The following RGS7 variants were observed in gnomAD, a reference collection of about 807,000 sequenced individuals.
RGS7 encodes regulator of G protein signaling 7, also known as regulator of G-protein signaling 7.
Under a neutral mutation model 81.1 loss-of-function variants are expected in RGS7, and 27 were observed. The observed-to-expected ratio is 0.33, with a 90% CI of 0.25 to 0.46. RGS7 has a LOEUF of 0.46. Ranked by LOEUF, RGS7 falls within the 20% of genes least tolerant of loss-of-function variation. RGS7 has a pLI of 1.00. For synonymous variants in RGS7, 208 were observed against 207.7 expected (o/e 1.00, Z -0.01); for missense variants, 396 against 607.4 (o/e 0.65, Z 3.66).
intron 2 of RGS7, among the ~76,000 whole-genome samples, chr1:241,103,741 G>A (rs1008458596): frequency 1.3e-5 from 2 of 152,154 alleles, no homozygotes; most frequent in African/African-American, 2.4e-5. Context: ...GGGCATGGTG[G>A]CAAGCACCTG....
At chr1:240,822,831 T>C (rs1362327248) in intron 10 of RGS7, among the ~76,000 whole-genome samples, 3 of 152,224 alleles carry the variant, frequency 2.0e-5, no homozygotes, top group South Asian at 2.1e-4. Flanking sequence ...AAGCATGATA[T>C]GGTAACTACA....
At chr1:240,879,416 T>C (rs752518168) in intron 6 of RGS7, among the ~76,000 whole-genome samples, 18 of 152,248 alleles carry the variant, frequency 1.2e-4, no homozygotes, top group African/African-American at 4.8e-5. Context: ...GGAAAGATAT[T>C]TGTAGATTTT....
intron 9 of RGS7, among the ~76,000 whole-genome samples, chr1:240,853,900 C>CAA (rs35471716): frequency 0.42 from 9,375 of 22,238 alleles, 4,169 homozygotes; most frequent in Non-Finnish European, 0.56. Context: ...GACTCCGTCT[C>CAA]AAAAAAAAAA....
intron 2 of RGS7, among the ~76,000 whole-genome samples, chr1:241,158,772 A>T (rs1188909347): frequency 6.6e-6 from 1 of 152,204 alleles, no homozygotes; most frequent in Non-Finnish European, 1.5e-5. Flanking sequence ...ACACAATAGC[A>T]CTTACTCTTC....
chr1:240,922,169 C>T (rs1278913570), intron 6 of RGS7, among the ~76,000 whole-genome samples: 3 of 151,662 alleles, frequency 2.0e-5, no homozygotes, highest in African/African-American at 7.3e-5. Context: ...TAGACCTCTA[C>T]ATGCAAAAAA....
At chr1:240,857,158 C>T (rs1553326652) in intron 9 of RGS7, among the ~76,000 whole-genome samples, 15 of 152,138 alleles carry the variant, frequency 9.9e-5, no homozygotes, top group Non-Finnish European at 1.9e-4. Flanking sequence ...GTTCATTATA[C>T]TCTCCTATGA....
At chr1:241,262,284 T>C (rs1270150405) in intron 2 of RGS7, among the ~76,000 whole-genome samples, 4 of 152,174 alleles carry the variant, frequency 2.6e-5, no homozygotes, top group Admixed American at 6.5e-5. Flanking sequence ...GTTCTTAAAA[T>C]AGGTAGGGTC....
chr1:241,068,257 TA>T (rs1553407918), intron 3 of RGS7, among the ~76,000 whole-genome samples: 2 of 73,250 alleles, frequency 2.7e-5, no homozygotes, highest in Non-Finnish European at 2.7e-5. Flanking sequence ...TATATATATA[TA>T]AAATATTGTG....
intron 2 of RGS7, among the ~76,000 whole-genome samples, chr1:241,182,648 C>CTTT (rs34005010): frequency 1.0e-4 from 12 of 118,178 alleles, no homozygotes; most frequent in African/African-American, 1.2e-4. Context: ...GCATCTCACG[C>CTTT]TTTTTTTTTT....
chr1:240,987,141 G>A (rs1035420474), intron 3 of RGS7, among the ~76,000 whole-genome samples: 1 of 152,094 alleles, frequency 6.6e-6, no homozygotes, highest in African/African-American at 2.4e-5. Context: ...TGAATTAGAG[G>A]TGCACAAAAA....
intron 2 of RGS7, among the ~76,000 whole-genome samples, chr1:241,336,646 T>C (rs1334885312): frequency 2.0e-5 from 3 of 152,208 alleles, no homozygotes; most frequent in Admixed American, 2.0e-4. Flanking sequence ...TTCCAGAAAC[T>C]CTTTTCTTTC....
At chr1:241,310,114 G>T (rs1277760027) in intron 2 of RGS7, among the ~76,000 whole-genome samples, 2 of 152,128 alleles carry the variant, frequency 1.3e-5, no homozygotes. Flanking sequence ...AAGGTATACT[G>T]CCCAGGAAGA....
intron 3 of RGS7, among the ~76,000 whole-genome samples, chr1:241,033,133 T>C (rs1160561080): frequency 1.3e-5 from 2 of 152,148 alleles, no homozygotes; most frequent in African/African-American, 4.8e-5. Flanking sequence ...GACAGATCAT[T>C]TGAGGTCAGG....
At chr1:240,793,611 A>ATATATTTTTTTTTTTT in intron 18 of RGS7, among the ~76,000 whole-genome samples, 20 of 78,808 alleles carry the variant, frequency 2.5e-4, no homozygotes, top group African/African-American at 1.7e-3. Flanking sequence ...ATATATATAT[A>ATATATTTTTTTTTTTT]TTTTTTTTTT....
intron 9 of RGS7, among the ~76,000 whole-genome samples, chr1:240,829,639 G>A (rs1693468694): frequency 6.6e-6 from 1 of 152,090 alleles, no homozygotes; most frequent in South Asian, 2.1e-4. Flanking sequence ...CATATCAGGA[G>A]CCAAGCACAG....
Position 240,832,643 on chromosome 1 carries a change from A to G in RGS7, c.610-5471T>C, listed in dbSNP as rs112104470. Among the ~76,000 whole-genome samples, 958 of 152,314 alleles carry G rather than the reference A, an allele frequency of 6.3e-3. 8 individuals are homozygous for G. The highest frequency in any genetic ancestry group is 0.021 in the African/African-American group (865 of 41,564). ...ATAGCAGAAGGTACACTTGTGTTCA[A>G]GACAACTCGGCAAAGCCTGTGGTGA... is the stretch of plus-strand genomic sequence containing the variant. On this transcript the variant is annotated intron_variant, in intron 9 of 18. Coordinates refer to ENST00000440928, the MANE Select transcript of RGS7 (RefSeq NM_001364886.1).
At chr1:240,992,591 G>A (rs567008515) in intron 3 of RGS7, among the ~76,000 whole-genome samples, 5 of 152,188 alleles carry the variant, frequency 3.3e-5, no homozygotes, top group African/African-American at 7.2e-5. Flanking sequence ...GGCACTGAAC[G>A]TGCTCTATAT....
chr1:241,123,695 G>A (rs2066453144), intron 2 of RGS7, among the ~76,000 whole-genome samples: 1 of 152,338 alleles, frequency 6.6e-6, no homozygotes, highest in East Asian at 1.9e-4. Flanking sequence ...AGGTGGTGGT[G>A]AGCTGAGATT....
intron 3 of RGS7, among the ~76,000 whole-genome samples, chr1:241,046,911 G>GC (rs1254282105): frequency 6.6e-6 from 1 of 152,022 alleles, no homozygotes; most frequent in African/African-American, 2.4e-5. Flanking sequence ...ACGTTCTACT[G>GC]CCCATAGATC....
Sources: allele counts gnomAD v4.1 joint callset (sites outside exome capture counted in the v4.1 genomes callset), GRCh38; gene constraint gnomAD v4.1.1; transcripts MANE v1.5; gene names NCBI Gene and HGNC (gene_info 2026-07-23, HGNC 2026-07-21).